Variants in SGCZ observed in about 807,000 individuals in gnomAD.
The protein encoded by SGCZ is zeta-sarcoglycan.
Under a neutral mutation model 41.3 loss-of-function variants are expected in SGCZ, and 40 were observed. The observed-to-expected ratio is 0.97, with a 90% CI of 0.75 to 1.26. The LOEUF is 1.26. Ranked by LOEUF, SGCZ falls within the 50% of genes most tolerant of loss-of-function variation. The pLI, the probability that SGCZ is intolerant of heterozygous loss-of-function variation, is 0.00. For synonymous variants in SGCZ, 206 were observed against 137.5 expected (o/e 1.50, Z -3.49); for missense variants, 552 against 369.8 (o/e 1.49, Z -4.04).
At chr8:14,106,565 A>C (rs1026311721) in intron 6 of SGCZ, among the ~76,000 whole-genome samples, 1 of 152,178 alleles carries the variant, frequency 6.6e-6, no homozygotes, top group Non-Finnish European at 1.5e-5. Flanking sequence ...TGACTAAAAA[A>C]TTTACTGTTG....
intron 1 of SGCZ, among the ~76,000 whole-genome samples, chr8:15,185,910 A>G (rs1800316857): frequency 6.6e-6 from 1 of 152,006 alleles, no homozygotes; most frequent in African/African-American, 2.4e-5. Flanking sequence ...CCAAAATAAT[A>G]CTATTTAAGC....
intron 1 of SGCZ, among the ~76,000 whole-genome samples, chr8:14,571,793 T>C (rs2117232812): frequency 6.6e-6 from 1 of 152,242 alleles, no homozygotes; most frequent in Middle Eastern, 3.4e-3. Flanking sequence ...ATTGAAGGAG[T>C]TTGACCACAT....
At position 14,309,190 on chromosome 8, in the gene SGCZ, A is replaced by T; in HGVS notation, c.336+14913T>A. 4 of 1,484,358 alleles carry T rather than the reference A, an allele frequency of 2.7e-6. No homozygotes were observed. In the South Asian group the frequency reaches 3.4e-5, roughly 13 times the overall value. The allele number at this position is 1,484,358 out of a possible 1,614,324, so 91.9% of individuals were successfully genotyped here. On this transcript the variant is annotated intron_variant, in intron 3 of 7. Coordinates refer to ENST00000382080, the MANE Select transcript of SGCZ (RefSeq NM_139167.4). ...ACGAAAAAAGCAAAACTTGGCAAGC[A>T]AACCTGCTGCGGCTGATCTCTAAGT...
rs542247387 is a variant in SGCZ at position 14,140,712 on chromosome 8, G to A, written c.547+23868C>T. Among the ~76,000 whole-genome samples the A allele has an allele frequency of 1.7e-3, 263 of 152,194 alleles. 2 individuals are homozygous for A. The Middle Eastern group carries it at 0.02, about 12-fold the overall frequency. On this transcript the variant is annotated intron_variant, in intron 5 of 7. Transcript: ENST00000382080. ...AAGAACATTCCATGCTCATGGATAG[G>A]AAGAATCAATATCATGAAAATGGCC...
chr8:15,003,929 T>C (rs989950863), intron 1 of SGCZ, among the ~76,000 whole-genome samples: 1 of 152,080 alleles, frequency 6.6e-6, no homozygotes, highest in South Asian at 2.1e-4. Context: ...ATGAAATACA[T>C]CTCATGCTCC....
At chr8:14,827,835 C>G (rs960622629) in intron 1 of SGCZ, among the ~76,000 whole-genome samples, 6 of 152,110 alleles carry the variant, frequency 3.9e-5, no homozygotes, top group Non-Finnish European at 8.8e-5. Context: ...TACATAAACA[C>G]ACATTAATAA....
At chr8:14,893,814 A>G (rs1203450143) in intron 1 of SGCZ, among the ~76,000 whole-genome samples, 3 of 152,224 alleles carry the variant, frequency 2.0e-5, no homozygotes, top group African/African-American at 4.8e-5. Flanking sequence ...AAAAGGAAAC[A>G]TCACTAATAA....
At chr8:14,483,536 A>C (rs1392917784) in intron 2 of SGCZ, among the ~76,000 whole-genome samples, 2 of 152,220 alleles carry the variant, frequency 1.3e-5, no homozygotes, top group Non-Finnish European at 2.9e-5. Flanking sequence ...GCACTCCTGC[A>C]TTCCAGGCTA....
intron 1 of SGCZ, among the ~76,000 whole-genome samples, chr8:15,075,868 T>G (rs923154770): frequency 4.3e-4 from 65 of 152,224 alleles, no homozygotes; most frequent in South Asian, 1.0e-3. Flanking sequence ...CTAAAGCAAT[T>G]TAAGCATCAG....
chr8:14,373,621 G>T (rs953986269), intron 2 of SGCZ, among the ~76,000 whole-genome samples: 2 of 152,142 alleles, frequency 1.3e-5, no homozygotes, highest in Non-Finnish European at 2.9e-5. Context: ...AATTTTGAAG[G>T]AAAGAATGAA....
At chr8:14,895,525 T>TC (rs1805165511) in intron 1 of SGCZ, among the ~76,000 whole-genome samples, 1 of 151,882 alleles carries the variant, frequency 6.6e-6, no homozygotes, top group Admixed American at 6.6e-5. Context: ...CATTCCCCAC[T>TC]CCCCCCAAAT....
At chr8:15,204,048 G>A (rs950411393) in intron 1 of SGCZ, among the ~76,000 whole-genome samples, 3 of 152,008 alleles carry the variant, frequency 2.0e-5, no homozygotes, top group Non-Finnish European at 2.9e-5. Context: ...AAATTTTGTG[G>A]CCATAATTAA....
intron 1 of SGCZ, among the ~76,000 whole-genome samples, chr8:15,219,781 T>A (rs1290829266): frequency 6.6e-6 from 1 of 152,214 alleles, no homozygotes; most frequent in African/African-American, 2.4e-5. Flanking sequence ...ATTATGAATT[T>A]GAAGGCGAAA....
chr8:15,066,276 C>T (rs150266418), intron 1 of SGCZ, among the ~76,000 whole-genome samples: 10,028 of 148,358 alleles, frequency 0.068, 484 homozygotes, highest in African/African-American at 0.13. Flanking sequence ...CCACTGCAGT[C>T]CGCAGTCCGG....
intron 5 of SGCZ, among the ~76,000 whole-genome samples, chr8:14,133,755 T>A (rs750315136): frequency 3.9e-5 from 6 of 152,254 alleles, no homozygotes; most frequent in Non-Finnish European, 7.3e-5. Context: ...TTCTGCTTTT[T>A]TTTTAATGCT....
chr8:15,020,500 G>A (rs530799744), intron 1 of SGCZ, among the ~76,000 whole-genome samples: 6 of 152,128 alleles, frequency 3.9e-5, no homozygotes, highest in African/African-American at 1.2e-4. Flanking sequence ...CTGTCAATGC[G>A]GCTGGCTCTC....
chr8:14,748,744 T>A (rs1022587113), intron 1 of SGCZ, among the ~76,000 whole-genome samples: 45 of 143,322 alleles, frequency 3.1e-4, no homozygotes, highest in African/African-American at 8.8e-4. Flanking sequence ...TAGTGCATGT[T>A]GAACACTAGA....
intron 4 of SGCZ, among the ~76,000 whole-genome samples, chr8:14,214,577 A>G (rs1270786868): frequency 6.6e-6 from 1 of 152,178 alleles, no homozygotes; most frequent in Non-Finnish European, 1.5e-5. Context: ...GTATTTATAA[A>G]TAGAGGTTAA....
intron 1 of SGCZ, among the ~76,000 whole-genome samples, chr8:15,067,909 G>C (rs1805211068): frequency 6.6e-6 from 1 of 152,014 alleles, no homozygotes; most frequent in African/African-American, 2.4e-5. Context: ...ACAGGTAATG[G>C]GAAGAATAAA....
Sources: allele counts gnomAD v4.1 joint callset (sites outside exome capture counted in the v4.1 genomes callset), GRCh38; gene constraint gnomAD v4.1.1; transcripts MANE v1.5; gene names NCBI Gene and HGNC (gene_info 2026-07-23, HGNC 2026-07-21).